Variants in TFEC observed in about 807,000 individuals in gnomAD.
The protein encoded by TFEC is transcription factor EC.
A neutral mutation model predicts 41.6 loss-of-function variants in TFEC; 31 were observed. The observed-to-expected ratio is 0.74, with a 90% CI of 0.56 to 1.01. The LOEUF (loss-of-function observed/expected upper bound fraction) is 1.01. Among genes scored for constraint, TFEC ranks in the 50% least tolerant of loss-of-function variants. TFEC has a pLI of 0.00. For synonymous variants in TFEC, 143 were observed against 140.6 expected (o/e 1.02, Z -0.12); for missense variants, 402 against 404.1 (o/e 0.99, Z 0.04).
At chr7:116,111,719 T>C (rs984717201) in intron 2 of TFEC, among the ~76,000 whole-genome samples, 2 of 152,034 alleles carry the variant, frequency 1.3e-5, no homozygotes, top group African/African-American at 2.4e-5. Context: ...TGGGAAAATA[T>C]CATTTTCTTT....
chr7:116,096,243 C>T (rs780099207), intron 3 of TFEC, among the ~76,000 whole-genome samples: 1 of 152,012 alleles, frequency 6.6e-6, no homozygotes, highest in Non-Finnish European at 1.5e-5. Flanking sequence ...GTCTTGCCTT[C>T]CTGAGATATA....
intron 1 of TFEC, among the ~76,000 whole-genome samples, chr7:116,154,310 T>C (rs1798824485): frequency 6.6e-6 from 1 of 152,164 alleles, no homozygotes; most frequent in Non-Finnish European, 1.5e-5. Flanking sequence ...CACCTCCTTT[T>C]CTTTCTCTAT....
chr7:116,124,235 T>C (rs1436279704), intron 1 of TFEC, among the ~76,000 whole-genome samples: 1 of 152,010 alleles, frequency 6.6e-6, no homozygotes, highest in Non-Finnish European at 1.5e-5. Context: ...TTACTTTGGG[T>C]GCAGACAGTG....
In TFEC at chr7:115,984,353, T is replaced by G; in HGVS notation, c.89A>C (p.His30Pro). The change falls in exon 2 of 8, where the codon CAC becomes CCC. Residue 30 changes from histidine to proline, a missense_variant. His to Pro is a moderately conservative substitution (Grantham distance 77). Coordinates refer to ENST00000265440, the MANE Select transcript of TFEC (RefSeq NM_012252.4). Reference sequence around the variant, plus strand: ...GCCAGCATCACTGTCCAGAGTTGTGTGTGCATGCTGCACAAGAGGCCCACC... The same window carrying G: ...GCCAGCATCACTGTCCAGAGTTGTGGGTGCATGCTGCACAAGAGGCCCACC... ...PSGGPLVQHA[H>P]TTLDSDAGLT... 1 of 1,614,170 alleles carries G rather than the reference T, an allele frequency of 6.2e-7. No homozygotes were observed. Among genetic ancestry groups the G allele is most frequent in the Non-Finnish European group, 8.5e-7 (1 of 1,179,996 alleles).
rs181333124 is a variant in TFEC, at chr7:115,971,629, T to C, written c.267+2541A>G. On this transcript the variant is annotated intron_variant, in intron 3 of 7. Coordinates refer to ENST00000265440, the MANE Select transcript of TFEC (RefSeq NM_012252.4). Reference sequence around the variant, plus strand: ...CAGTATCCTGCTCAACTTGCCAGAATTGCAGCACAAGCCCATTCTTAAAAC... The same window carrying C: ...CAGTATCCTGCTCAACTTGCCAGAACTGCAGCACAAGCCCATTCTTAAAAC... Among the ~76,000 whole-genome samples the C allele has an allele frequency of 3.3e-5, 5 of 152,064 alleles. No individual in the cohort carries two copies. In the East Asian group the frequency reaches 7.8e-4, roughly 24 times the overall value.
At chr7:115,948,591 C>T (rs982914381) in intron 6 of TFEC, among the ~76,000 whole-genome samples, 4 of 152,046 alleles carry the variant, frequency 2.6e-5, no homozygotes, top group African/African-American at 7.2e-5. Context: ...GAACCAAAGA[C>T]AAAAACCACA....
chr7:116,123,174 A>G (rs902173024), intron 1 of TFEC, among the ~76,000 whole-genome samples: 4 of 152,152 alleles, frequency 2.6e-5, no homozygotes, highest in Non-Finnish European at 5.9e-5. Context: ...ACTAACAAAG[A>G]TCACCACCTA....
At chr7:116,114,904 C>A (rs919990304) in intron 1 of TFEC, among the ~76,000 whole-genome samples, 2 of 151,810 alleles carry the variant, frequency 1.3e-5, no homozygotes, top group African/African-American at 4.8e-5. Context: ...TCCCCGCCAC[C>A]CCCCAGTAAT....
intron 3 of TFEC, among the ~76,000 whole-genome samples, chr7:116,058,207 C>A (rs1199251936): frequency 6.6e-6 from 1 of 151,552 alleles, no homozygotes; most frequent in African/African-American, 2.4e-5. Context: ...ACCACACTAA[C>A]ACGGATCAAA....
At chr7:116,113,460 G>C (rs921961094) in intron 1 of TFEC, among the ~76,000 whole-genome samples, 5 of 151,894 alleles carry the variant, frequency 3.3e-5, no homozygotes, top group Non-Finnish European at 7.4e-5. Context: ...CTGACAACTT[G>C]ATTTGAGAAT....
chr7:115,979,966 C>T (rs768936180), intron 2 of TFEC, among the ~76,000 whole-genome samples: 4 of 152,112 alleles, frequency 2.6e-5, no homozygotes, highest in Admixed American at 6.6e-5. Context: ...CCCTCTCAAC[C>T]GCCATTTAAA....
intron 6 of TFEC, among the ~76,000 whole-genome samples, chr7:115,947,679 A>G (rs1462083431): frequency 3.3e-5 from 5 of 151,398 alleles, no homozygotes; most frequent in Non-Finnish European, 7.4e-5. Flanking sequence ...AGTGATGGTG[A>G]GCATTTTTTC....
chr7:116,071,169 A>T (rs1796818833), intron 3 of TFEC, among the ~76,000 whole-genome samples: 1 of 151,368 alleles, frequency 6.6e-6, no homozygotes, highest in Non-Finnish European at 1.5e-5. Flanking sequence ...CTATATTTAG[A>T]TGCCAAAATA....
At chr7:115,968,440 C>T (rs946610658) in intron 3 of TFEC, 18 of 641,912 alleles carry the variant, frequency 2.8e-5, no homozygotes, top group Non-Finnish European at 3.6e-5. Flanking sequence ...TTAATATTTA[C>T]TCATTCCTCG....
intron 1 of TFEC, among the ~76,000 whole-genome samples, chr7:116,148,144 TAGAC>T (rs2116444009): frequency 6.6e-6 from 1 of 152,202 alleles, no homozygotes; most frequent in African/African-American, 2.4e-5. Flanking sequence ...ACAGAGATAA[TAGAC>T]AGTACAAAGC....
chr7:116,066,707 T>A (rs1245583630), intron 3 of TFEC, among the ~76,000 whole-genome samples: 2 of 151,916 alleles, frequency 1.3e-5, no homozygotes, highest in Admixed American at 1.3e-4. Context: ...ACAATTACAA[T>A]TTTTTTTATC....
chr7:115,983,447 G>A (rs982924908), intron 2 of TFEC, among the ~76,000 whole-genome samples: 47 of 151,868 alleles, frequency 3.1e-4, no homozygotes, highest in Admixed American at 7.9e-4. Context: ...ACCTGAAATC[G>A]GCAATAAACA....
intron 1 of TFEC, among the ~76,000 whole-genome samples, chr7:116,128,741 C>T (rs144292952): frequency 6.6e-6 from 1 of 151,976 alleles, no homozygotes; most frequent in African/African-American, 2.4e-5. Context: ...ACTTTTACTA[C>T]TGATAGTTTG....
chr7:116,051,210 C>T (rs2204334), intron 3 of TFEC, among the ~76,000 whole-genome samples: 28,892 of 152,034 alleles, frequency 0.19, 2,789 homozygotes, highest in East Asian at 0.32. Flanking sequence ...GACGAGTTAA[C>T]GAGTGCAGCA....
Sources: gnomAD v4.1 joint callset for allele counts (sites outside exome capture counted in the v4.1 genomes callset) on GRCh38, gnomAD v4.1.1 for gene constraint, MANE v1.5 for transcripts, NCBI Gene and HGNC (gene_info 2026-07-23, HGNC 2026-07-21) for gene names.